The following FGFR2 variants were observed in gnomAD, a reference collection of about 807,000 sequenced individuals.
FGFR2 encodes the protein fibroblast growth factor receptor 2, also known as BEK fibroblast growth factor receptor.
A neutral mutation model predicts 95.9 loss-of-function variants in FGFR2; 19 were observed. The observed-to-expected ratio is 0.20, with a 90% CI of 0.14 to 0.29. The LOEUF (loss-of-function observed/expected upper bound fraction) is 0.29, where lower values mean the gene tolerates loss of function less well. Ranked by LOEUF, FGFR2 falls within the 10% of genes least tolerant of loss-of-function variation. FGFR2 has a pLI of 1.00. For synonymous variants in FGFR2, 392 were observed against 393.3 expected, an observed-to-expected ratio of 1.00 and a Z score of 0.04; for missense variants, 707 against 1,056.9, an observed-to-expected ratio of 0.67 and a Z score of 4.59.
Position 121,478,622 on chromosome 10 carries a change from G to C in FGFR2, c.*1235C>G. 1 of 233,222 alleles carries C rather than the reference G, an allele frequency of 4.3e-6. No individual in the cohort carries two copies. The highest frequency in any genetic ancestry group is 6.0e-5 in the East Asian group (1 of 16,556). The allele number at this position is 233,222 out of a possible 1,614,324, so 14.4% of individuals were successfully genotyped here. On this transcript the variant is annotated 3_prime_UTR_variant, in exon 18 of 18. Coordinates refer to ENST00000358487, the MANE Select transcript of FGFR2 (RefSeq NM_000141.5). The stretch of plus-strand genomic sequence containing the variant: ...GAGGTCCTGCCAGAATTAGATGAAA[G>C]CAATCCCTTAAAAAGATGGACGTAT...
chr10:121,496,920 C>G (rs1451054886), intron 12 of FGFR2, among the ~76,000 whole-genome samples, 198 bp from the exon 13 acceptor site: 1 of 150,422 alleles, frequency 6.6e-6, no homozygotes, highest in African/African-American at 2.4e-5. Flanking sequence ...CACATGAGGC[C>G]AGGAGTTCAA....
intron 6 of FGFR2, among the ~76,000 whole-genome samples, chr10:121,534,163 ATC>A (rs1449711174): frequency 6.8e-6 from 1 of 146,302 alleles, no homozygotes; most frequent in Non-Finnish European, 1.5e-5. Context: ...CAATGGCACA[ATC>A]TCAGCTCACT....
intron 5 of FGFR2, among the ~76,000 whole-genome samples, chr10:121,548,799 G>A (rs1019468287): frequency 6.6e-6 from 1 of 152,046 alleles, no homozygotes; most frequent in Non-Finnish European, 1.5e-5. Flanking sequence ...GAAAGCATTT[G>A]GTGGTTAAAA....
chr10:121,596,399 G>A lies in FGFR2; in HGVS notation c.-151+1563C>T, dbSNP rs41301553. On this transcript the variant is annotated intron_variant, in intron 1 of 17. Transcript: ENST00000358487. ...AAAACCCCCGCCCTCCAAGAAGGCAGACCAATACAGTGCCCTCCGCTTTGG... is the reference window on the plus strand; with the variant it reads ...AAAACCCCCGCCCTCCAAGAAGGCAAACCAATACAGTGCCCTCCGCTTTGG... 574 of 197,618 alleles carry A rather than the reference G, an allele frequency of 2.9e-3. 3 individuals carry two copies. The highest frequency in any genetic ancestry group is 0.013 in the African/African-American group (551 of 43,382). The allele number at this position is 197,618 out of a possible 1,614,324, so 12.2% of individuals were successfully genotyped here.
intron 2 of FGFR2, among the ~76,000 whole-genome samples, chr10:121,570,463 G>C (rs1858484028): frequency 6.6e-6 from 1 of 152,230 alleles, no homozygotes; most frequent in South Asian, 2.1e-4. Context: ...AGGCTGCACA[G>C]CCTGCTCTGT....
intron 4 of FGFR2, among the ~76,000 whole-genome samples, chr10:121,551,823 G>A (rs1003003690): frequency 4.6e-5 from 7 of 152,060 alleles, no homozygotes; most frequent in African/African-American, 1.7e-4. Flanking sequence ...TCCAAAAATA[G>A]ATCATTTTGG....
At chr10:121,582,734 G>A (rs1314732487) in intron 2 of FGFR2, among the ~76,000 whole-genome samples, 1 of 152,104 alleles carries the variant, frequency 6.6e-6, no homozygotes, top group Non-Finnish European at 1.5e-5. Context: ...AGTGATCCAA[G>A]ATCGCACCAC....
chr10:121,517,772 T>C lies in FGFR2; in HGVS notation c.940-309A>G, dbSNP rs1445414189. 6.6e-6 allele frequency among the ~76,000 whole-genome samples: 1 copy of C among 152,056 alleles called. No homozygotes were observed. The highest frequency in any genetic ancestry group is 2.4e-5 in the African/African-American group (1 of 41,404). On this transcript the variant is annotated intron_variant, in intron 7 of 17. Transcript: ENST00000358487. This position sits in a 1 kb window ranked among gnomAD's most constrained non-coding sequence, Gnocchi z 4.7. ...CTTTGGTTTGCATTTAGGGGTGGTT[T>C]TCCAAAAGTATGGTGCCCAGAAGGC...
At chr10:121,541,403 A>C (rs919029577) in intron 5 of FGFR2, among the ~76,000 whole-genome samples, 14 of 152,240 alleles carry the variant, frequency 9.2e-5, no homozygotes, top group Non-Finnish European at 4.4e-5. Context: ...CAAGCTAAGA[A>C]ACTACAATAG....
At chr10:121,595,352 A>T (rs1863263450) in intron 1 of FGFR2, among the ~76,000 whole-genome samples, 1 of 152,236 alleles carries the variant, frequency 6.6e-6, no homozygotes, top group Non-Finnish European at 1.5e-5. Context: ...AAGGAGGAAT[A>T]AAGAAAACCT....
At chr10:121,496,815 CTTTTTT>C (rs372610391) in intron 12 of FGFR2, 93 bp from the exon 13 acceptor site, 14 of 874,932 alleles carry the variant, frequency 1.6e-5, no homozygotes, top group Non-Finnish European at 2.3e-5. Context: ...ACAACCCATG[CTTTTTT>C]TTTTTTTTTT....
At chr10:121,570,349 G>T (rs796558115) in intron 2 of FGFR2, among the ~76,000 whole-genome samples, 1 of 152,286 alleles carries the variant, frequency 6.6e-6, no homozygotes, top group African/African-American at 2.4e-5. Context: ...CCCAGGCTGC[G>T]CGGAGCCAGG....
chr10:121,530,776 G>GT (rs1019942176), intron 6 of FGFR2, among the ~76,000 whole-genome samples: 1 of 152,146 alleles, frequency 6.6e-6, no homozygotes, highest in Admixed American at 6.5e-5. Flanking sequence ...TTATTAAACT[G>GT]TTTTTTGATT....
intron 9 of FGFR2, among the ~76,000 whole-genome samples, chr10:121,505,327 A>G (rs1292956256): frequency 6.6e-6 from 1 of 152,210 alleles, no homozygotes; most frequent in African/African-American, 2.4e-5. Context: ...AAAATAAAGA[A>G]GTGGGCCATT....
intron 2 of FGFR2, among the ~76,000 whole-genome samples, chr10:121,591,348 C>T (rs1229878390): frequency 6.6e-6 from 1 of 152,226 alleles, no homozygotes; most frequent in Non-Finnish European, 1.5e-5. Flanking sequence ...CACAGCCAGC[C>T]CACGGGACTG....
intron 6 of FGFR2, among the ~76,000 whole-genome samples, chr10:121,524,140 A>ACCCCCC (rs1241424540): frequency 1.5e-5 from 2 of 136,320 alleles, no homozygotes; most frequent in African/African-American, 5.3e-5. Flanking sequence ...ACACACACAC[A>ACCCCCC]CACACACCCC....
intron 1 of FGFR2, 44 bp from the exon 2 acceptor site, chr10:121,594,011 C>G: frequency 1.5e-6 from 1 of 671,842 alleles, no homozygotes; most frequent in African/African-American, 1.8e-5. Flanking sequence ...TCCCCAATGC[C>G]AAATCACTCC....
intron 10 of FGFR2, among the ~76,000 whole-genome samples, chr10:121,501,517 TA>T (rs1295474357): frequency 2.6e-5 from 4 of 152,152 alleles, no homozygotes; most frequent in Non-Finnish European, 5.9e-5. Flanking sequence ...TATGACTACA[TA>T]AAATTAACAA....
intron 6 of FGFR2, 133 bp downstream of exon 6, chr10:121,538,459 T>C (rs1286985329): frequency 6.2e-6 from 8 of 1,289,716 alleles, no homozygotes; most frequent in African/African-American, 1.5e-5. Context: ...TGTAAAATGA[T>C]AGTAGAAAGA....
Sources: gnomAD v4.1 joint callset for allele counts (sites outside exome capture counted in the v4.1 genomes callset) on GRCh38, gnomAD v4.1.1 for gene constraint, Gnocchi (gnomAD v3.1) non-coding constraint, MANE v1.5 for transcripts, NCBI Gene and HGNC (gene_info 2026-07-23, HGNC 2026-07-21) for gene names.